The following MRPL1 variants were observed in gnomAD, a reference collection of about 807,000 sequenced individuals.
MRPL1 encodes mitochondrial ribosomal protein L1, also known as large ribosomal subunit protein uL1m.
MRPL1 carries 28 observed loss-of-function variants against 38.0 expected under a neutral mutation model. That is an observed-to-expected ratio of 0.74 (90% CI 0.55 to 1.01). The LOEUF (loss-of-function observed/expected upper bound fraction) is 1.01, where lower values mean the gene tolerates loss of function less well. Ranked by LOEUF, MRPL1 falls within the 50% of genes least tolerant of loss-of-function variation. The probability of loss-of-function intolerance (pLI) is 0.00; values close to 1 mark genes in which losing one functional copy is unlikely to be tolerated. For synonymous variants in MRPL1, 123 were observed against 126.7 expected (o/e 0.97, Z 0.20); for missense variants, 358 against 389.8 (o/e 0.92, Z 0.69).
At chr4:77,906,960 A>G in intron 6 of MRPL1, 1 of 985,106 alleles carries the variant, frequency 1.0e-6, no homozygotes, top group Non-Finnish European at 1.2e-6. Flanking sequence ...TAAACTGCCT[A>G]TGGGTAGTTG....
intron 2 of MRPL1, among the ~76,000 whole-genome samples, chr4:77,881,542 G>A (rs1028990601): frequency 2.0e-5 from 3 of 150,486 alleles, no homozygotes; most frequent in Non-Finnish European, 2.9e-5. Flanking sequence ...CCTGAGCTCA[G>A]GTGATCCTTC....
At chr4:77,889,226 T>G (rs1331790314) in intron 5 of MRPL1, among the ~76,000 whole-genome samples, 10 of 152,162 alleles carry the variant, frequency 6.6e-5, no homozygotes, top group Admixed American at 2.0e-4. Flanking sequence ...ACCACATAGT[T>G]GGAAGTAAAG....
intron 7 of MRPL1, among the ~76,000 whole-genome samples, chr4:77,947,491 T>C (rs1021930089): frequency 6.6e-6 from 1 of 152,200 alleles, no homozygotes; most frequent in African/African-American, 2.4e-5. Context: ...AATCATATAA[T>C]GTGCTATTGG....
chr4:77,892,172 C>T (rs1226309846), intron 5 of MRPL1, among the ~76,000 whole-genome samples: 5 of 150,978 alleles, frequency 3.3e-5, no homozygotes, highest in Admixed American at 2.6e-4. Flanking sequence ...GCTCTTGTTG[C>T]CCAGTGGGGA....
At chr4:77,931,966 T>C (rs1032596128) in intron 7 of MRPL1, among the ~76,000 whole-genome samples, 1 of 152,222 alleles carries the variant, frequency 6.6e-6, no homozygotes, top group Admixed American at 6.5e-5. Context: ...TACACAGAAG[T>C]GAGATGACTT....
intron 7 of MRPL1, among the ~76,000 whole-genome samples, chr4:77,945,503 T>G (rs1293531925): frequency 1.4e-5 from 2 of 145,018 alleles, no homozygotes; most frequent in East Asian, 3.9e-4. Context: ...ATGTGTACTT[T>G]GCTTTTTTTT....
At chr4:77,949,756 G>C in intron 7 of MRPL1, 41 bp from the exon 8 acceptor site, 1 of 1,277,430 alleles carries the variant, frequency 7.8e-7, no homozygotes, top group Non-Finnish European at 1.1e-6. Flanking sequence ...TTATCTTCTT[G>C]CTTTCTCATC....
rs559098461 is a variant in MRPL1, at chr4:77,939,850, G to GTT, written c.778-9946_778-9945insTT. ...TTGCTTTGTCAAAGATGAATTGGCT[G>GTT]TAAGTATTTGGTTTTATTTCTGGGT... On this transcript the variant is annotated intron_variant, in intron 7 of 8. Coordinates refer to ENST00000315567, the MANE Select transcript of MRPL1 (RefSeq NM_020236.4). Among the ~76,000 whole-genome samples, 28 of 152,286 alleles carry GTT rather than the reference G, an allele frequency of 1.8e-4. No homozygotes were observed. In the East Asian group the frequency reaches 3.1e-3, roughly 17 times the overall value.
rs554709427 is a variant in MRPL1 at position 77,896,150 on chromosome 4, T to C, written c.670+1900T>C. Among the ~76,000 whole-genome samples, 388 of 124,918 alleles carry C rather than the reference T, an allele frequency of 3.1e-3. 1 individual carries two copies. Among genetic ancestry groups the C allele is most frequent in the Non-Finnish European group, 4.6e-3 (268 of 58,074 alleles). 82.0% of individuals were successfully genotyped at this position (124,918 alleles called of 152,430 possible). ...TCTCTCTGTAACCCTTTTAGCTTCC[T>C]TTTTTTTTTTTTTTAGCCTTGAGGG... On this transcript the variant is annotated intron_variant, in intron 6 of 8. Coordinates refer to ENST00000315567, the MANE Select transcript of MRPL1 (RefSeq NM_020236.4).
chr4:77,902,068 A>G (rs1736047973), intron 6 of MRPL1, among the ~76,000 whole-genome samples: 1 of 152,262 alleles, frequency 6.6e-6, no homozygotes, highest in East Asian at 1.9e-4. Flanking sequence ...CTCTAAATAA[A>G]TTAAAATGAA....
At chr4:77,914,868 A>G (rs1736385186) in intron 7 of MRPL1, among the ~76,000 whole-genome samples, 1 of 152,182 alleles carries the variant, frequency 6.6e-6, no homozygotes, top group Non-Finnish European at 1.5e-5. Flanking sequence ...AGGGGTCAAT[A>G]AATGACAACC....
intron 1 of MRPL1, among the ~76,000 whole-genome samples, chr4:77,867,527 ATTCTT>A (rs1486741004): frequency 2.0e-5 from 3 of 149,082 alleles, no homozygotes; most frequent in East Asian, 1.9e-4. Flanking sequence ...TAATTGGATA[ATTCTT>A]TTCTTTTTCT....
At chr4:77,917,715 G>C (rs1265249668) in intron 7 of MRPL1, among the ~76,000 whole-genome samples, 1 of 152,106 alleles carries the variant, frequency 6.6e-6, no homozygotes, top group Non-Finnish European at 1.5e-5. Context: ...AGGCGAGATA[G>C]ATATGTAAAT....
intron 7 of MRPL1, among the ~76,000 whole-genome samples, chr4:77,934,384 G>T (rs1213095744): frequency 1.3e-5 from 2 of 152,066 alleles, no homozygotes; most frequent in East Asian, 3.8e-4. Flanking sequence ...TTTGAAAGGA[G>T]CACAGAGCCT....
intron 6 of MRPL1, among the ~76,000 whole-genome samples, chr4:77,901,668 T>C (rs571634515): frequency 3.9e-5 from 6 of 152,288 alleles, no homozygotes; most frequent in Non-Finnish European, 8.8e-5. Flanking sequence ...TATTCTATAA[T>C]AATAATAAGA....
intron 2 of MRPL1, among the ~76,000 whole-genome samples, chr4:77,874,848 C>G (rs930521033): frequency 2.7e-5 from 4 of 147,708 alleles, no homozygotes; most frequent in African/African-American, 7.5e-5. Context: ...ATGGTGCAAT[C>G]TCAGCTCACT....
intron 2 of MRPL1, among the ~76,000 whole-genome samples, chr4:77,876,311 T>C (rs1461607718): frequency 6.6e-6 from 1 of 152,198 alleles, no homozygotes; most frequent in Non-Finnish European, 1.5e-5. Flanking sequence ...TTGCCTGTTT[T>C]TCTGTTGGGC....
chr4:77,903,331 A>T (rs1195638014), intron 6 of MRPL1, among the ~76,000 whole-genome samples: 2 of 152,178 alleles, frequency 1.3e-5, no homozygotes, highest in African/African-American at 4.8e-5. Flanking sequence ...TGTAAGTGAA[A>T]TTCCTCAACT....
At chr4:77,897,226 G>A (rs1036356188) in intron 6 of MRPL1, among the ~76,000 whole-genome samples, 2 of 152,026 alleles carry the variant, frequency 1.3e-5, no homozygotes, top group Admixed American at 1.3e-4. Flanking sequence ...ACCACACCCA[G>A]CTAGTATTTT....
Sources: gnomAD v4.1 joint callset for allele counts (sites outside exome capture counted in the v4.1 genomes callset) on GRCh38, gnomAD v4.1.1 for gene constraint, MANE v1.5 for transcripts, NCBI Gene and HGNC (gene_info 2026-07-23, HGNC 2026-07-21) for gene names.